Variants in RNMT observed in about 807,000 individuals in gnomAD.
RNMT encodes the protein mRNA cap guanine-N(7) methyltransferase.
In RNMT, 27 loss-of-function variants were observed where a neutral mutation model predicts 56.0. The observed-to-expected ratio is 0.48, with a 90% CI of 0.36 to 0.67. The LOEUF (loss-of-function observed/expected upper bound fraction) is 0.67, where lower values mean the gene tolerates loss of function less well. Ranked by LOEUF, RNMT falls within the 30% of genes least tolerant of loss-of-function variation. The pLI, the probability that RNMT is intolerant of heterozygous loss-of-function variation, is 0.00. For synonymous variants in RNMT, 184 were observed against 176.2 expected (o/e 1.04, Z -0.35); for missense variants, 519 against 552.1 (o/e 0.94, Z 0.60).
intron 3 of RNMT, among the ~76,000 whole-genome samples, chr18:13,734,164 T>C (rs1306522314): frequency 6.6e-6 from 1 of 152,190 alleles, no homozygotes; most frequent in Non-Finnish European, 1.5e-5. Flanking sequence ...CCTTCCACCA[T>C]GATTGTGAGG....
chr18:13,752,239 A>G, intron 9 of RNMT, 87 bp from the exon 10 acceptor site: 1 of 768,026 alleles, frequency 1.3e-6, no homozygotes, highest in Non-Finnish European at 2.3e-6. Flanking sequence ...TTATTCTCCT[A>G]ATTATGTTAT....
chr18:13,756,443 G>A (rs1302696332), intron 11 of RNMT, among the ~76,000 whole-genome samples: 4 of 152,096 alleles, frequency 2.6e-5, no homozygotes, highest in Non-Finnish European at 5.9e-5. Context: ...GATTTGGCAG[G>A]GCTGGGCTGC....
intron 4 of RNMT, 151 bp downstream of exon 4, chr18:13,734,750 T>G: frequency 1.6e-6 from 1 of 636,446 alleles, no homozygotes; most frequent in Non-Finnish European, 2.5e-6. Context: ...TTAATGAGTG[T>G]TTAATTATTA....
intron 5 of RNMT, among the ~76,000 whole-genome samples, chr18:13,739,235 A>T (rs971890790): frequency 6.6e-6 from 1 of 152,222 alleles, no homozygotes; most frequent in Non-Finnish European, 1.5e-5. Flanking sequence ...TTTGTTAGGT[A>T]GCAGAAATGT....
intron 4 of RNMT, among the ~76,000 whole-genome samples, chr18:13,736,701 T>C (rs2044162878): frequency 1.3e-5 from 2 of 152,158 alleles, no homozygotes; most frequent in Admixed American, 6.6e-5. Flanking sequence ...CCTGAACAAG[T>C]GTTGTGTTGT....
intron 11 of RNMT, among the ~76,000 whole-genome samples, chr18:13,757,067 T>A (rs535469487): frequency 1.3e-5 from 2 of 152,336 alleles, no homozygotes; most frequent in South Asian, 4.1e-4. Flanking sequence ...CATATAAAAG[T>A]TATGTTTACT....
chr18:13,744,248 A>T (rs1327004629), intron 8 of RNMT, among the ~76,000 whole-genome samples: 3 of 142,418 alleles, frequency 2.1e-5, no homozygotes, highest in African/African-American at 7.9e-5. Context: ...TTTTTAAAAG[A>T]TTATTTATTG....
In RNMT at chr18:13,760,875, A is replaced by G. The variant is rs767992010; in HGVS notation, c.*896A>G. On this transcript the variant is annotated 3_prime_UTR_variant, in exon 12 of 12. Coordinates refer to ENST00000383314, the MANE Select transcript of RNMT (RefSeq NM_003799.3). ...AAGCAATACTTGTTCCTCTGTTACA[A>G]CCTCAGCACTTTGCACCGTAGGAGC... is the stretch of plus-strand genomic sequence containing the variant. 36 of 985,290 alleles carry G rather than the reference A, an allele frequency of 3.7e-5. No homozygotes were observed. Among genetic ancestry groups the G allele is most frequent in the Non-Finnish European group, 4.3e-5 (36 of 829,922 alleles). 61.0% of individuals were successfully genotyped at this position (985,290 alleles called of 1,614,324 possible).
Position 13,760,570 on chromosome 18 carries a change from G to A in RNMT, c.*591G>A. ...ATAATCATTAACATGCTGCAATTCAGGAGCTGGTTAGAACATTTTAAGTGG... is the reference window on the plus strand; with the variant it reads ...ATAATCATTAACATGCTGCAATTCAAGAGCTGGTTAGAACATTTTAAGTGG... On this transcript the variant is annotated 3_prime_UTR_variant, in exon 12 of 12. Coordinates refer to ENST00000383314, the MANE Select transcript of RNMT (RefSeq NM_003799.3). The A allele has an allele frequency of 3.0e-5, 30 of 985,690 alleles. No homozygotes were observed. The highest frequency in any genetic ancestry group is 3.5e-5 in the Non-Finnish European group (29 of 829,916). 61.1% of individuals were successfully genotyped at this position (985,690 alleles called of 1,614,324 possible). A position where few individuals can be genotyped will look rare whatever the true frequency, so the allele number is the denominator to read the frequency against.
intron 11 of RNMT, among the ~76,000 whole-genome samples, chr18:13,754,772 T>C (rs1466863391): frequency 1.3e-5 from 2 of 152,272 alleles, no homozygotes; most frequent in Non-Finnish European, 2.9e-5. Flanking sequence ...TTTTGGCTTA[T>C]AGAATACTTG....
Position 13,742,577 on chromosome 18 carries a change from G to T in RNMT, c.1064G>T (p.Gly355Val). 3 of 1,613,210 alleles carry T rather than the reference G, an allele frequency of 1.9e-6. No individual in the cohort carries two copies. The highest frequency in any genetic ancestry group is 2.5e-6 in the Non-Finnish European group (3 of 1,179,434). ...FQKKGDYPLF[G>V]CKYDFNLEGV... ...AAGAAAGGAGATTATCCTTTATTTG[G>T]CTGCAAATATGACTTCAACTTGGAA... Residue 355 changes from glycine (G) to valine (V), a missense_variant, in exon 8 of 12, where the codon GGC becomes GTC. Gly to Val is a moderately radical substitution (Grantham distance 109). Transcript: ENST00000383314.
At chr18:13,735,825 G>A (rs138594839) in intron 4 of RNMT, among the ~76,000 whole-genome samples, 16 of 152,162 alleles carry the variant, frequency 1.1e-4, no homozygotes, top group African/African-American at 3.6e-4. Flanking sequence ...TTTTTCAGCT[G>A]TTCTAGCAGC....
chr18:13,733,125 A>C (rs566796105), intron 3 of RNMT, among the ~76,000 whole-genome samples: 8 of 151,978 alleles, frequency 5.3e-5, no homozygotes, highest in Non-Finnish European at 1.2e-4. Context: ...TTTTCAACTG[A>C]AAATCTTACA....
chr18:13,744,175 T>G (rs2044310570), intron 8 of RNMT, among the ~76,000 whole-genome samples: 1 of 140,188 alleles, frequency 7.1e-6, no homozygotes, highest in Admixed American at 7.3e-5. Context: ...TTTTTTTTTT[T>G]TTTTTTTTTT....
intron 10 of RNMT, 148 bp from the exon 11 acceptor site, chr18:13,753,966 C>G (rs975493340): frequency 6.4e-5 from 36 of 563,320 alleles, no homozygotes; most frequent in Non-Finnish European, 1.1e-4. Flanking sequence ...TTTATATGCT[C>G]AGGTCACAAT....
chr18:13,745,533 T>C (rs2044336597), intron 8 of RNMT, among the ~76,000 whole-genome samples: 1 of 152,168 alleles, frequency 6.6e-6, no homozygotes, highest in Non-Finnish European at 1.5e-5. Flanking sequence ...TTTACTGAAA[T>C]GGCAAAGATT....
At chr18:13,735,237 A>G (rs2044139476) in intron 4 of RNMT, among the ~76,000 whole-genome samples, 2 of 152,286 alleles carry the variant, frequency 1.3e-5, no homozygotes, top group South Asian at 2.1e-4. Flanking sequence ...AAGCCAGTCA[A>G]AGAAGAAGTG....
intron 11 of RNMT, among the ~76,000 whole-genome samples, chr18:13,755,221 A>G (rs2044523229): frequency 1.3e-5 from 2 of 152,240 alleles, no homozygotes; most frequent in South Asian, 2.1e-4. Flanking sequence ...AAACACTACT[A>G]GGCAAATTTT....
At chr18:13,729,768 CT>C (rs200780744) in intron 1 of RNMT, among the ~76,000 whole-genome samples, 11 of 147,668 alleles carry the variant, frequency 7.4e-5, no homozygotes, top group East Asian at 2.0e-4. Flanking sequence ...TATTTATTTA[CT>C]TTTTTTTTTA....
Sources: allele counts gnomAD v4.1 joint callset (sites outside exome capture counted in the v4.1 genomes callset), GRCh38; gene constraint gnomAD v4.1.1; transcripts MANE v1.5; gene names NCBI Gene and HGNC (gene_info 2026-07-23, HGNC 2026-07-21).